ERBB4: variants seen among roughly 807,000 people sequenced by gnomAD.
ERBB4 encodes the protein receptor tyrosine-protein kinase erbB-4.
ERBB4 carries 42 observed loss-of-function variants against 158.0 expected under a neutral mutation model. The ratio of observed to expected loss-of-function variants is 0.27; its 90% CI spans 0.21 to 0.34. The LOEUF (loss-of-function observed/expected upper bound fraction) is 0.34, where lower values mean the gene tolerates loss of function less well. ERBB4 is among the 10% of genes least tolerant of loss of function. The pLI is 1.00. For synonymous variants in ERBB4, 583 were observed against 558.7 expected, an observed-to-expected ratio of 1.04 and a Z score of -0.61; for missense variants, 1,333 against 1,624.1, an observed-to-expected ratio of 0.82 and a Z score of 3.08.
chr2:211,480,342 G>A (rs964371851), intron 20 of ERBB4, among the ~76,000 whole-genome samples: 4 of 152,138 alleles, frequency 2.6e-5, no homozygotes, highest in African/African-American at 7.2e-5. Flanking sequence ...CATTGGGAGA[G>A]GGACCTGGTG....
intron 20 of ERBB4, among the ~76,000 whole-genome samples, chr2:211,506,781 T>C (rs963486409): frequency 2.0e-5 from 3 of 151,918 alleles, no homozygotes; most frequent in Non-Finnish European, 4.4e-5. Context: ...GTATAATGTT[T>C]AAAAAACTCC....
At chr2:212,351,659 C>T (rs1396198343) in intron 1 of ERBB4, among the ~76,000 whole-genome samples, 1 of 152,154 alleles carries the variant, frequency 6.6e-6, no homozygotes, top group Non-Finnish European at 1.5e-5. Context: ...TGTCATCATG[C>T]TAACCACGTT....
chr2:211,624,424 A>G (rs1012336428), intron 17 of ERBB4, among the ~76,000 whole-genome samples: 1 of 151,708 alleles, frequency 6.6e-6, no homozygotes, highest in African/African-American at 2.4e-5. Context: ...AAAACGCACA[A>G]TGCCAAAACC....
chr2:212,120,384 TCA>T (rs1336260129), intron 2 of ERBB4, among the ~76,000 whole-genome samples: 2 of 152,180 alleles, frequency 1.3e-5, no homozygotes, highest in Non-Finnish European at 2.9e-5. Context: ...ATAACATGAC[TCA>T]CATGTTTATC....
intron 3 of ERBB4, among the ~76,000 whole-genome samples, chr2:211,841,319 A>T (rs2077465125): frequency 6.6e-6 from 1 of 152,064 alleles, no homozygotes; most frequent in Non-Finnish European, 1.5e-5. Flanking sequence ...ACAGCTATTG[A>T]AGTCAAAATT....
intron 1 of ERBB4, among the ~76,000 whole-genome samples, chr2:212,205,703 C>T (rs1305992974): frequency 6.6e-6 from 1 of 152,106 alleles, no homozygotes; most frequent in Admixed American, 6.5e-5. Context: ...AATACACCAT[C>T]TTTTACATGT....
chr2:212,361,422 G>A (rs558364662), intron 1 of ERBB4, among the ~76,000 whole-genome samples: 1 of 151,434 alleles, frequency 6.6e-6, no homozygotes, highest in Non-Finnish European at 1.5e-5. Context: ...TATCAAAGAG[G>A]GAAGGTTTTG....
At chr2:212,114,434 C>A (rs1391017683) in intron 2 of ERBB4, among the ~76,000 whole-genome samples, 1 of 152,160 alleles carries the variant, frequency 6.6e-6, no homozygotes, top group Non-Finnish European at 1.5e-5. Flanking sequence ...AGTGAGTTTT[C>A]ATGTCATTAG....
At chr2:211,748,901 G>C (rs564592039) in intron 5 of ERBB4, among the ~76,000 whole-genome samples, 3 of 152,090 alleles carry the variant, frequency 2.0e-5, no homozygotes, top group African/African-American at 7.2e-5. Context: ...GGTCACATGC[G>C]TGTCAGACCA....
chr2:212,499,006 T>C (rs1206087818), intron 1 of ERBB4, among the ~76,000 whole-genome samples: 1 of 152,014 alleles, frequency 6.6e-6, no homozygotes, highest in Non-Finnish European at 1.5e-5. Flanking sequence ...CAATATTTTA[T>C]TTAAAGATCT....
intron 1 of ERBB4, among the ~76,000 whole-genome samples, chr2:212,277,376 T>C (rs911863555): frequency 1.3e-5 from 2 of 151,692 alleles, no homozygotes; most frequent in African/African-American, 2.4e-5. Flanking sequence ...ATTGAGCTAA[T>C]ATAATGGAAC....
chr2:211,385,900 G>A (rs1816533), intron 27 of ERBB4, among the ~76,000 whole-genome samples: 99,343 of 151,982 alleles, frequency 0.65, 32,637 homozygotes, highest in South Asian at 0.77. Flanking sequence ...GCTACTATGA[G>A]CATCCAAACT....
intron 19 of ERBB4, among the ~76,000 whole-genome samples, chr2:211,611,126 C>G (rs2069176565): frequency 6.6e-6 from 1 of 152,124 alleles, no homozygotes; most frequent in African/African-American, 2.4e-5. Flanking sequence ...GCTGGACTTC[C>G]TGGGTCAATA....
chr2:212,081,288 G>A lies in ERBB4; in HGVS notation c.234+43464C>T, dbSNP rs552295944. Among the ~76,000 whole-genome samples, 4 of 152,238 alleles carry A rather than the reference G, an allele frequency of 2.6e-5. No homozygotes were observed. The East Asian group carries it at 7.7e-4, about 29-fold the overall frequency. On this transcript the variant is annotated intron_variant, in intron 2 of 27. Transcript: ENST00000342788. ...ATTGTAAGAGATGAAATGAAATTAAGCATCTTGCTTTGTAATCCTCTTCTA... is the reference window on the plus strand; with the variant it reads ...ATTGTAAGAGATGAAATGAAATTAAACATCTTGCTTTGTAATCCTCTTCTA...
intron 17 of ERBB4, 141 bp from the exon 18 acceptor site, chr2:211,624,185 T>C: frequency 4.5e-6 from 4 of 884,936 alleles, no homozygotes; most frequent in Non-Finnish European, 7.3e-6. Context: ...AACCAATACC[T>C]TCGTAATATG....
At chr2:212,308,935 G>C (rs2086914765) in intron 1 of ERBB4, among the ~76,000 whole-genome samples, 1 of 150,830 alleles carries the variant, frequency 6.6e-6, no homozygotes, top group East Asian at 2.0e-4. Context: ...CCCAATATTG[G>C]GTAAAAATAA....
Position 212,262,164 on chromosome 2 carries a change from T to C in ERBB4, c.83-137261A>G, listed in dbSNP as rs372347335. On this transcript the variant is annotated intron_variant, in intron 1 of 27. Transcript: ENST00000342788. ...GCAAAATCATTTTCTATAGGGAGAA[T>C]AGGAAAATCATTCAAATCATAAAAG... Among the ~76,000 whole-genome samples, 8 of 152,270 alleles carry C rather than the reference T, an allele frequency of 5.3e-5. No homozygotes were observed. The East Asian group carries it at 1.2e-3, about 22-fold the overall frequency.
intron 3 of ERBB4, among the ~76,000 whole-genome samples, chr2:211,884,750 G>C (rs1426995477): frequency 1.3e-5 from 2 of 152,140 alleles, no homozygotes; most frequent in Non-Finnish European, 2.9e-5. Context: ...ATAGATATTA[G>C]CAGCTAATAT....
chr2:211,799,170 T>C (rs1450839913), intron 3 of ERBB4, among the ~76,000 whole-genome samples: 1 of 152,128 alleles, frequency 6.6e-6, no homozygotes, highest in African/African-American at 2.4e-5. Flanking sequence ...GGGTCTGGAA[T>C]TTTTACAGTA....
Sources: gnomAD v4.1 joint callset for allele counts (sites outside exome capture counted in the v4.1 genomes callset) on GRCh38, gnomAD v4.1.1 for gene constraint, MANE v1.5 for transcripts, NCBI Gene and HGNC (gene_info 2026-07-23, HGNC 2026-07-21) for gene names.